KIF26B: variants seen among roughly 807,000 people sequenced by gnomAD.
KIF26B encodes the protein kinesin family member 26B.
Under a neutral mutation model 151.2 loss-of-function variants are expected in KIF26B, and 63 were observed. That is an observed-to-expected ratio of 0.42 (90% confidence interval 0.34 to 0.51). KIF26B has a LOEUF of 0.51. Ranked by LOEUF, KIF26B falls within the 20% of genes least tolerant of loss-of-function variation. KIF26B has a pLI of 0.07. For missense variants in KIF26B, 2,813 were observed against 2,913.6 expected (o/e 0.97, Z 0.79); for synonymous variants, 1,357 against 1,262.1 (o/e 1.08, Z -1.59).
chr1:245,332,852 G>A (rs542793584), intron 2 of KIF26B, among the ~76,000 whole-genome samples: 96 of 152,110 alleles, frequency 6.3e-4, no homozygotes, highest in Non-Finnish European at 3.1e-4. Context: ...CTTTGCTGTC[G>A]ATGGCAGACT....
rs1184198731 is a variant in KIF26B at position 245,156,419 on chromosome 1, G to T, written c.201G>T (p.Gly67=). 2.6e-6 allele frequency: 4 copies of T among 1,531,226 alleles called. No individual in the cohort carries two copies. In the South Asian group the frequency reaches 4.8e-5, roughly 18 times the overall value. 94.9% of individuals were successfully genotyped at this position (1,531,226 alleles called of 1,614,324 possible). The change falls in exon 2 of 15, where the codon GGG becomes GGT. Residue 67 remains glycine (G), a synonymous_variant. Coordinates refer to ENST00000407071, the MANE Select transcript of KIF26B (RefSeq NM_018012.4). ...EGAGSALGSS[G]TPSPGSGTSS... ...CGGGCTCAGCGCTCGGCTCCTCGGG[G>T]ACCCCGTCTCCCGGCTCGGGCACCT...
chr1:245,685,336 G>T (rs527735859), intron 11 of KIF26B, 69 bp from the exon 12 acceptor site: 18 of 1,320,566 alleles, frequency 1.4e-5, no homozygotes, highest in Non-Finnish European at 1.9e-5. Flanking sequence ...ACCACTTGCC[G>T]CGCACAGCTG....
At chr1:245,536,910 A>G (rs772927020) in intron 4 of KIF26B, among the ~76,000 whole-genome samples, 28 of 152,180 alleles carry the variant, frequency 1.8e-4, no homozygotes, top group Non-Finnish European at 3.2e-4. Context: ...AGAGGCCATT[A>G]TTGCCTTTTG....
At chr1:245,276,974 GAGAC>G (rs758796176) in intron 2 of KIF26B, among the ~76,000 whole-genome samples, 1 of 152,106 alleles carries the variant, frequency 6.6e-6, no homozygotes, top group Non-Finnish European at 1.5e-5. Flanking sequence ...AGTGTCATGA[GAGAC>G]AGAAATGGAG....
chr1:245,694,188 C>T (rs934906011), intron 12 of KIF26B, among the ~76,000 whole-genome samples: 3 of 152,236 alleles, frequency 2.0e-5, no homozygotes, highest in African/African-American at 7.2e-5. Context: ...CTTGCCTTTT[C>T]AGCTAAAACA....
rs796881817 is a variant in KIF26B at position 245,241,609 on chromosome 1, G to C, written c.465+84926G>C. Among the ~76,000 whole-genome samples the C allele has an allele frequency of 4.6e-5, 7 of 152,322 alleles. No individual in the cohort carries two copies. The highest frequency in any genetic ancestry group is 1.7e-4 in the African/African-American group (7 of 41,578). On this transcript the variant is annotated intron_variant, in intron 2 of 14. Transcript: ENST00000407071. The surrounding 1 kb of genome is among the most constrained non-coding windows in gnomAD (Gnocchi z 5.0). ...TTTCCTTGCAGCCCAATGGCCTCAG[G>C]AGACAGTGACTCACGCTGTGTCCAC...
chr1:245,299,551 A>T (rs1018271675), intron 2 of KIF26B, among the ~76,000 whole-genome samples: 3 of 152,200 alleles, frequency 2.0e-5, no homozygotes, highest in Non-Finnish European at 4.4e-5. Flanking sequence ...TAGAATTTTC[A>T]TATTACTTTT....
intron 2 of KIF26B, among the ~76,000 whole-genome samples, chr1:245,363,107 C>T (rs1672861048): frequency 5.3e-5 from 8 of 152,216 alleles, no homozygotes; most frequent in Admixed American, 4.6e-4. Flanking sequence ...GGCCCTAGTC[C>T]ATCTCCTAGG....
chr1:245,411,756 C>T (rs1674290985), intron 3 of KIF26B, among the ~76,000 whole-genome samples: 2 of 152,152 alleles, frequency 1.3e-5, no homozygotes, highest in South Asian at 4.1e-4. Context: ...GGGATTGAGA[C>T]ATATTCCTGC....
At chr1:245,532,322 T>A (rs1380935363) in intron 4 of KIF26B, among the ~76,000 whole-genome samples, 7 of 147,466 alleles carry the variant, frequency 4.7e-5, no homozygotes, top group African/African-American at 1.5e-4. Flanking sequence ...CTCGGCTCAC[T>A]GCAAGCTCTG....
chr1:245,183,219 A>T (rs1032747978), intron 2 of KIF26B, among the ~76,000 whole-genome samples: 1 of 152,164 alleles, frequency 6.6e-6, no homozygotes, highest in African/African-American at 2.4e-5. Flanking sequence ...CTCTTATCAG[A>T]TATATGATTG....
chr1:245,532,768 G>GA lies in KIF26B; in HGVS notation c.1167-7989dup, dbSNP rs939081815. Among the ~76,000 whole-genome samples, 169 of 147,316 alleles carry GA rather than the reference G, an allele frequency of 1.1e-3. 1 individual carries two copies. The highest frequency in any genetic ancestry group is 3.5e-3 in the Middle Eastern group (1 of 284). Reference sequence around the variant, plus strand: ...AATAGATAATTTACATAAAAATCAGGAAAAAAAAAACCCCAGCCCCATATG... The same window carrying GA: ...AATAGATAATTTACATAAAAATCAGGAAAAAAAAAAACCCCAGCCCCATATG... On this transcript the variant is annotated intron_variant, in intron 4 of 14. Transcript: ENST00000407071.
chr1:245,485,733 C>G (rs746904930), intron 4 of KIF26B, among the ~76,000 whole-genome samples: 1 of 152,218 alleles, frequency 6.6e-6, no homozygotes, highest in African/African-American at 2.4e-5. Flanking sequence ...GGAGAAAACT[C>G]TTCTGCTTCT....
At chr1:245,277,124 T>C (rs1053403579) in intron 2 of KIF26B, among the ~76,000 whole-genome samples, 1 of 152,198 alleles carries the variant, frequency 6.6e-6, no homozygotes, top group Non-Finnish European at 1.5e-5. Context: ...GGATCCTCTC[T>C]TAGGCTCTCC....
At chr1:245,207,865 C>T (rs1669437618) in intron 2 of KIF26B, among the ~76,000 whole-genome samples, 1 of 152,160 alleles carries the variant, frequency 6.6e-6, no homozygotes. Context: ...TTACCAGGTG[C>T]AAACACTGTT....
rs935994557 is a variant in KIF26B at position 245,622,523 on chromosome 1, G to A, written c.2098+10547G>A. Among the ~76,000 whole-genome samples, 4 of 152,160 alleles carry A rather than the reference G, an allele frequency of 2.6e-5. No homozygotes were observed. In the East Asian group the frequency reaches 7.7e-4, roughly 29 times the overall value. On this transcript the variant is annotated intron_variant, in intron 9 of 14. Transcript: ENST00000407071. ...TGCCTAGATCCCTCCCACGCACCCC[G>A]AGTGCCACCTGCAATGGTCCAGACA...
chr1:245,507,455 G>A (rs1558192362), intron 4 of KIF26B, among the ~76,000 whole-genome samples: 1 of 152,216 alleles, frequency 6.6e-6, no homozygotes, highest in Non-Finnish European at 1.5e-5. Context: ...TGGACTTGAT[G>A]GCTGGGCCTT....
chr1:245,413,453 G>A (rs1441603436), intron 3 of KIF26B, among the ~76,000 whole-genome samples: 3 of 152,162 alleles, frequency 2.0e-5, no homozygotes, highest in Non-Finnish European at 4.4e-5. Flanking sequence ...ACAAGGTCAG[G>A]AGTTTGAGAC....
At chr1:245,638,451 C>A (rs947055845) in intron 9 of KIF26B, among the ~76,000 whole-genome samples, 16 of 151,892 alleles carry the variant, frequency 1.1e-4, no homozygotes, top group African/African-American at 3.9e-4. Flanking sequence ...TTCTTCCTTT[C>A]TAATTTGGAT....
Sources: gnomAD v4.1 joint callset for allele counts (sites outside exome capture counted in the v4.1 genomes callset) on GRCh38, gnomAD v4.1.1 for gene constraint, Gnocchi (gnomAD v3.1) non-coding constraint, MANE v1.5 for transcripts, NCBI Gene and HGNC (gene_info 2026-07-23, HGNC 2026-07-21) for gene names.